MYBPC2: variants seen among roughly 807,000 people sequenced by gnomAD.
MYBPC2 encodes the protein myosin-binding protein C, fast-type.
In MYBPC2, 122 loss-of-function variants were observed where a neutral mutation model predicts 137.0. That is an observed-to-expected ratio of 0.89 (90% CI 0.77 to 1.03). The LOEUF is 1.03. Ranked by LOEUF, MYBPC2 falls within the 50% of genes least tolerant of loss-of-function variation. The pLI, the probability that MYBPC2 is intolerant of heterozygous loss-of-function variation, is 0.00. For missense variants in MYBPC2, 1,500 were observed against 1,534.4 expected (o/e 0.98, Z 0.37); for synonymous variants, 626 against 612.3 (o/e 1.02, Z -0.33).
chr19:50,434,856 A>G (rs1357809321), intron 1 of MYBPC2, among the ~76,000 whole-genome samples: 2 of 152,110 alleles, frequency 1.3e-5, no homozygotes, highest in African/African-American at 2.4e-5. Flanking sequence ...ATACCCTCGG[A>G]CCCAAAAGGT....
chr19:50,458,585 A>G lies in MYBPC2; in HGVS notation c.2339-2A>G, dbSNP rs1475179442. The G allele has an allele frequency of 6.2e-7, 1 of 1,611,254 alleles. No individual in the cohort carries two copies. Among genetic ancestry groups the G allele is most frequent in the Non-Finnish European group, 8.5e-7 (1 of 1,179,826 alleles). ...ATCCGCCAGCAGGGCCTCTCTCTCCAGCCGAGGAATGGGTCCCTGCCAACA... is the reference window on the plus strand; with the variant it reads ...ATCCGCCAGCAGGGCCTCTCTCTCCGGCCGAGGAATGGGTCCCTGCCAACA... On this transcript the variant is annotated splice_acceptor_variant, in intron 20 of 27. Transcript: ENST00000357701. LOFTEE classifies it high-confidence loss of function.
chr19:50,437,432 G>A (rs761198664), intron 5 of MYBPC2, 41 bp from the exon 6 acceptor site: 15 of 1,587,462 alleles, frequency 9.4e-6, no homozygotes, highest in Non-Finnish European at 1.2e-5. Context: ...ATCAGCCCTG[G>A]CCTCTAACTC....
chr19:50,437,329 C>A, intron 5 of MYBPC2, 144 bp from the exon 6 acceptor site: 1 of 877,528 alleles, frequency 1.1e-6, no homozygotes, highest in Non-Finnish European at 1.8e-6. Flanking sequence ...TAGAGGATGC[C>A]CAGGCCTGAG....
rs377334511 is a variant in MYBPC2, at chr19:50,435,189, T to C, written c.48T>C (p.Asp16=). Residue 16 remains aspartate (D), a synonymous_variant, in exon 2 of 28, where the codon GAT becomes GAC. Transcript: ENST00000357701. This position sits in a 1 kb window ranked among gnomAD's most constrained non-coding sequence, Gnocchi z 4.8. The part of the protein sequence containing the change: ...PAAKKAPKGK[D]APKGAPKEAP... The stretch of plus-strand genomic sequence containing the variant: ...CCAAAAAGGCCCCCAAAGGCAAAGA[T>C]GCCCCCAAAGGAGCCCCCAAGGAGG... 1.7e-5 allele frequency: 23 copies of C among 1,379,928 alleles called. No individual in the cohort carries two copies. The highest frequency in any genetic ancestry group is 2.3e-5 in the East Asian group (1 of 43,402). 85.5% of individuals were successfully genotyped at this position (1,379,928 alleles called of 1,614,324 possible).
At chr19:50,433,061 A>T in intron 1 of MYBPC2, 89 bp downstream of exon 1, 1 of 1,444,550 alleles carries the variant, frequency 6.9e-7, no homozygotes, top group Non-Finnish European at 9.1e-7. Context: ...GGGTTGGGAG[A>T]AGGAGGAACC....
chr19:50,443,877 T>TG, intron 11 of MYBPC2, 61 bp downstream of exon 11: 1 of 1,472,464 alleles, frequency 6.8e-7, no homozygotes, highest in South Asian at 1.2e-5. Context: ...GCCTCTGCCT[T>TG]GATCTTTATG....
rs776489675 is a variant in MYBPC2, at chr19:50,458,998, C to T, written c.2587C>T (p.Pro863Ser). Residue 863 changes from proline to serine, a missense_variant, in exon 22 of 28, where the codon CCC becomes TCC. Transcript: ENST00000357701. Reference protein sequence around the residue: ...KVGEQLNLVVPFQGKPRPQVV... With the variant: ...KVGEQLNLVVSFQGKPRPQVV... ...GGGCGAGCAGCTCAACCTTGTCGTC[C>T]CCTTCCAGGTCAGGGGAGCGGGGTC... is the stretch of plus-strand genomic sequence containing the variant. 6.2e-7 allele frequency: 1 copy of T among 1,611,160 alleles called. No homozygotes were observed. Among genetic ancestry groups the T allele is most frequent in the Admixed American group, 1.7e-5 (1 of 59,844 alleles).
rs185436180 is a variant in MYBPC2, at chr19:50,458,226, C to T, written c.2339-361C>T. On this transcript the variant is annotated intron_variant, in intron 20 of 27. Transcript: ENST00000357701. ...TCAGGAGGCTGAGGCAGGAGAATTACTTGAACCTGGGAGGCGGAGGTTGCA... is the reference window on the plus strand; with the variant it reads ...TCAGGAGGCTGAGGCAGGAGAATTATTTGAACCTGGGAGGCGGAGGTTGCA... 3.6e-3 allele frequency among the ~76,000 whole-genome samples: 540 copies of T among 150,242 alleles called. 2 individuals carry two copies. The highest frequency in any genetic ancestry group is 6.7e-3 in the Admixed American group (101 of 15,070).
chr19:50,436,139 G>A lies in MYBPC2; in HGVS notation c.324G>A (p.Glu108=). 4 of 1,582,514 alleles carry A rather than the reference G, an allele frequency of 2.5e-6. No individual in the cohort carries two copies. The highest frequency in any genetic ancestry group is 3.4e-6 in the Non-Finnish European group (4 of 1,164,642). The stretch of plus-strand genomic sequence containing the variant: ...GTGGCGCCCGCTTCTCCTTCAAGGA[G>A]TCCCACAACTCCGCCAGCAATGTGA... ...SKSGARFSFK[E]SHNSASNVYT... The change falls in exon 4 of 28, where the codon GAG becomes GAA. Residue 108 remains glutamate (E), a synonymous_variant. Coordinates refer to ENST00000357701, the MANE Select transcript of MYBPC2 (RefSeq NM_004533.4).
chr19:50,455,427 C>T, intron 19 of MYBPC2, 83 bp from the exon 20 acceptor site: 2 of 1,567,466 alleles, frequency 1.3e-6, no homozygotes, highest in Non-Finnish European at 1.7e-6. Flanking sequence ...TCTGACCAAT[C>T]ATTCTACCTC....
At chr19:50,455,374 C>A in intron 19 of MYBPC2, 78 bp downstream of exon 19, 1 of 1,562,832 alleles carries the variant, frequency 6.4e-7, no homozygotes. Flanking sequence ...ACCTCTGGCC[C>A]ATCTTTTGCC....
intron 13 of MYBPC2, 50 bp from the exon 14 acceptor site, chr19:50,450,779 G>T (rs1456449048): frequency 7.4e-7 from 1 of 1,355,180 alleles, no homozygotes; most frequent in South Asian, 1.3e-5. Flanking sequence ...GCCCCATAGT[G>T]GTCCCATTGC....
intron 7 of MYBPC2, 26 bp downstream of exon 7, chr19:50,437,744 G>A (rs770384056): frequency 1.9e-6 from 3 of 1,588,224 alleles, no homozygotes; most frequent in South Asian, 1.1e-5. Context: ...GGCACAGAGA[G>A]GGGAGATGGG....
In MYBPC2 at chr19:50,458,710, A is replaced by G. The variant is rs1183093076; in HGVS notation, c.2462A>G (p.Glu821Gly). The G allele has an allele frequency of 6.2e-7, 1 of 1,609,960 alleles. No homozygotes were observed. The highest frequency in any genetic ancestry group is 8.5e-7 in the Non-Finnish European group (1 of 1,179,834). ...GGGGTCAACATCGCGGGGCGCAGCG[A>G]GCCGGCCACCCTGGCCCAGCCGGTC... ...VVGVNIAGRS[E>G]PATLAQPVTI... is the part of the protein sequence containing the mutation. The change falls in exon 21 of 28, where the codon GAG (glutamate) becomes GGG (glycine). Residue 821 changes from glutamate (E) to glycine (G), a missense_variant. Physicochemically the swap from Glu to Gly is moderately conservative, Grantham distance 98 (BLOSUM62 -2). Transcript: ENST00000357701.
At chr19:50,445,752 C>A in intron 11 of MYBPC2, 128 bp from the exon 12 acceptor site, 1 of 921,284 alleles carries the variant, frequency 1.1e-6, no homozygotes, top group Non-Finnish European at 1.6e-6. Context: ...CTCTGCCACT[C>A]ATTATGTCTC....
rs370492185 is a variant in MYBPC2, at chr19:50,458,913, C to G, written c.2507-5C>G. 4.8e-5 allele frequency: 77 copies of G among 1,609,944 alleles called. No homozygotes were observed. The African/African-American group carries it at 1.0e-3, about 22-fold the overall frequency. ...TGAGCCCCCTCCCTGTGTTTGCGCC[C>G]TCAGAGCCACCCAAGATCCGGCTTC... On this transcript the variant is annotated splice_polypyrimidine_tract_variant and splice_region_variant and intron_variant, in intron 21 of 27. Transcript: ENST00000357701.
At position 50,464,250 on chromosome 19, in the gene MYBPC2, G is replaced by A. The variant is rs969197647; in HGVS notation, c.3229-96G>A. On this transcript the variant is annotated intron_variant, in intron 26 of 27. Coordinates refer to ENST00000357701, the MANE Select transcript of MYBPC2 (RefSeq NM_004533.4). ...AAGAACATCTGGCAAGAGGGTGGCA[G>A]AGCCTAGAACCCAGATCGGCTTCCT... is the stretch of plus-strand genomic sequence containing the variant. 3.5e-6 allele frequency: 4 copies of A among 1,129,466 alleles called. No homozygotes were observed. In the Admixed American group the frequency reaches 7.8e-5, roughly 22 times the overall value. 70.0% of individuals were successfully genotyped at this position (1,129,466 alleles called of 1,614,324 possible).
At position 50,436,684 on chromosome 19, in the gene MYBPC2, T is replaced by G. The variant is rs2039707186; in HGVS notation, c.413T>G (p.Val138Gly). ...LGDRGYYRLE[V>G]KAKDTCDSCG... ...GACCGTGGGTATTACCGCCTCGAGG[T>G]CAAAGCCAAGGACACCTGTGACAGC... Residue 138 changes from valine (V) to glycine (G), a missense_variant, in exon 5 of 28, where the codon GTC (valine) becomes GGC (glycine). Physicochemically the swap from Val to Gly is moderately radical, Grantham distance 109. Transcript: ENST00000357701. 1 of 1,613,620 alleles carries G rather than the reference T, an allele frequency of 6.2e-7. No individual in the cohort carries two copies. Among genetic ancestry groups the G allele is most frequent in the Non-Finnish European group, 8.5e-7 (1 of 1,179,826 alleles).
At chr19:50,447,651 A>C (rs2039817890) in intron 12 of MYBPC2, among the ~76,000 whole-genome samples, 1 of 152,074 alleles carries the variant, frequency 6.6e-6, no homozygotes, top group Admixed American at 6.5e-5. Flanking sequence ...TGAGGTCAGG[A>C]GTTCAAGACC....
Sources: gnomAD v4.1 joint callset for allele counts (sites outside exome capture counted in the v4.1 genomes callset) on GRCh38, gnomAD v4.1.1 for gene constraint, Gnocchi (gnomAD v3.1) non-coding constraint, MANE v1.5 for transcripts, NCBI Gene and HGNC (gene_info 2026-07-23, HGNC 2026-07-21) for gene names.